The following STK33 variants were observed in gnomAD, a reference collection of about 807,000 sequenced individuals.
The protein encoded by STK33 is serine/threonine-protein kinase 33.
A neutral mutation model predicts 58.0 loss-of-function variants in STK33; 52 were observed. The ratio of observed to expected loss-of-function variants is 0.90; its 90% CI spans 0.72 to 1.13. The LOEUF is 1.13. Among genes scored for constraint, STK33 ranks in the 50% most tolerant of loss-of-function variants. STK33 has a pLI of 0.00. For synonymous variants in STK33, 215 were observed against 200.1 expected, an observed-to-expected ratio of 1.07 and a Z score of -0.63; for missense variants, 630 against 604.2, an observed-to-expected ratio of 1.04 and a Z score of -0.45.
At chr11:8,378,007 T>C in the STK33 span, among the ~76,000 whole-genome samples, 1 of 152,144 alleles carries the variant, frequency 6.6e-6, no homozygotes, top group African/African-American at 2.4e-5. Context: ...AGAGTCAATA[T>C]CATGAAAATG....
chr11:8,493,502 G>A (rs1189163381), intron 1 of STK33, among the ~76,000 whole-genome samples: 1 of 152,108 alleles, frequency 6.6e-6, no homozygotes, highest in Non-Finnish European at 1.5e-5. Flanking sequence ...ATTCACAGTG[G>A]AATTCTACCA....
intron 12 of STK33, among the ~76,000 whole-genome samples, chr11:8,437,152 G>A (rs568366173): frequency 1.3e-5 from 2 of 152,202 alleles, no homozygotes; most frequent in Non-Finnish European, 2.9e-5. Context: ...TGAAAGCTAA[G>A]TGTACCTAAT....
At chr11:8,516,132 G>A (rs1952760771) in intron 1 of STK33, among the ~76,000 whole-genome samples, 1 of 152,150 alleles carries the variant, frequency 6.6e-6, no homozygotes. Flanking sequence ...AAAGCCAGAA[G>A]CATCACACTT....
chr11:8,575,167 T>C (rs1958090948), intron 1 of STK33, among the ~76,000 whole-genome samples: 1 of 152,204 alleles, frequency 6.6e-6, no homozygotes, highest in Non-Finnish European at 1.5e-5. Context: ...TAAAATGGTG[T>C]AGCTGCTGTG....
intron 1 of STK33, among the ~76,000 whole-genome samples, chr11:8,577,993 T>C (rs1255077289): frequency 6.6e-6 from 1 of 152,104 alleles, no homozygotes; most frequent in Non-Finnish European, 1.5e-5. Context: ...TCTTTAGGAA[T>C]GAAAGTTTCA....
intron 1 of STK33, among the ~76,000 whole-genome samples, chr11:8,578,210 T>C (rs963142392): frequency 1.3e-5 from 2 of 152,152 alleles, no homozygotes; most frequent in Non-Finnish European, 2.9e-5. Context: ...AAAAACCTTC[T>C]GTATTAGTGA....
chr11:8,473,869 T>C (rs1357743590), intron 5 of STK33, among the ~76,000 whole-genome samples: 1 of 152,176 alleles, frequency 6.6e-6, no homozygotes, highest in Non-Finnish European at 1.5e-5. Context: ...ACACACTGCC[T>C]ATTCTATATA....
chr11:8,477,181 C>CACACACACACACACACACACAT (rs1391215547), intron 3 of STK33, 69 bp downstream of exon 3: 1 of 149,212 alleles, frequency 6.7e-6, no homozygotes, highest in East Asian at 2.0e-4. Flanking sequence ...CACACATACA[C>CACACACACACACACACACACAT]ATCTCTTATA....
the STK33 span, among the ~76,000 whole-genome samples, chr11:8,354,474 TCACACACACACACACACACA>T: frequency 4.2e-3 from 530 of 124,762 alleles, 3 homozygotes; most frequent in African/African-American, 0.015. Flanking sequence ...CTGCAAAACC[TCACACACACACACACACACA>T]CACACACACA....
intron 14 of STK33, among the ~76,000 whole-genome samples, chr11:8,419,261 T>C (rs1440681693): frequency 6.6e-6 from 1 of 152,186 alleles, no homozygotes; most frequent in African/African-American, 2.4e-5. Flanking sequence ...TTTTTGTATA[T>C]GGTGTAAGAA....
intron 1 of STK33, among the ~76,000 whole-genome samples, chr11:8,553,198 G>GT (rs1956459287): frequency 1.8e-5 from 1 of 54,980 alleles, no homozygotes; most frequent in African/African-American, 1.0e-4. Flanking sequence ...ATATATATAT[G>GT]GTGTATATAT....
At chr11:8,401,109 A>C (rs1288729985) in intron 15 of STK33, among the ~76,000 whole-genome samples, 2 of 152,218 alleles carry the variant, frequency 1.3e-5, no homozygotes, top group Non-Finnish European at 2.9e-5. Context: ...ACAGAATTGG[A>C]AAAAACTGCT....
intron 15 of STK33, among the ~76,000 whole-genome samples, chr11:8,411,725 C>A (rs780167710): frequency 6.6e-6 from 1 of 152,196 alleles, no homozygotes; most frequent in Non-Finnish European, 1.5e-5. Flanking sequence ...TTGTTACCCA[C>A]GGCCCAGCCT....
chr11:8,387,297 A>G (rs748123734), downstream of STK33, among the ~76,000 whole-genome samples: 2 of 152,128 alleles, frequency 1.3e-5, no homozygotes, highest in Non-Finnish European at 2.9e-5. Context: ...AGGCCTAAAG[A>G]GTAGGGGAGC....
intron 1 of STK33, among the ~76,000 whole-genome samples, chr11:8,498,525 T>C (rs1422697875): frequency 6.6e-6 from 1 of 152,208 alleles, no homozygotes; most frequent in Admixed American, 6.5e-5. Context: ...AAGTAATTTA[T>C]AGATTCAGTG....
intron 1 of STK33, among the ~76,000 whole-genome samples, chr11:8,560,234 TGA>T (rs1409771281): frequency 6.6e-6 from 1 of 152,160 alleles, no homozygotes; most frequent in East Asian, 1.9e-4. Flanking sequence ...AGAAAGGATA[TGA>T]GAGTGCATTT....
the STK33 span, among the ~76,000 whole-genome samples, chr11:8,354,517 C>CACACACACACACACACACACACACACACA: frequency 2.7e-5 from 4 of 146,218 alleles, no homozygotes; most frequent in Non-Finnish European, 4.5e-5. Context: ...CACACACACA[C>CACACACACACACACACACACACACACACA]CCCTCAGACA....
chr11:8,335,131 C>T, the STK33 span, among the ~76,000 whole-genome samples: 2 of 152,132 alleles, frequency 1.3e-5, no homozygotes, highest in African/African-American at 2.4e-5. Flanking sequence ...GGGTGGAGAC[C>T]GCAGCCTGCA....
chr11:8,550,977 G>A (rs1956260732), intron 1 of STK33, among the ~76,000 whole-genome samples: 1 of 152,064 alleles, frequency 6.6e-6, no homozygotes. Context: ...ACATACCCAA[G>A]ACTGGAAGAA....
Sources: gnomAD v4.1 joint callset for allele counts (sites outside exome capture counted in the v4.1 genomes callset) on GRCh38, gnomAD v4.1.1 for gene constraint, MANE v1.5 for transcripts, NCBI Gene and HGNC (gene_info 2026-07-23, HGNC 2026-07-21) for gene names.